Variants in STX18 observed in about 807,000 individuals in gnomAD.
STX18 encodes the protein syntaxin 18.
Under a neutral mutation model 50.1 loss-of-function variants are expected in STX18, and 40 were observed. The observed-to-expected ratio is 0.80, with a 90% CI of 0.62 to 1.04. The LOEUF (loss-of-function observed/expected upper bound fraction) is 1.04, where lower values mean the gene tolerates loss of function less well. Ranked by LOEUF, STX18 falls within the 50% of genes least tolerant of loss-of-function variation. The pLI is 0.00. For synonymous variants in STX18, 158 were observed against 151.8 expected (o/e 1.04, Z -0.30); for missense variants, 410 against 415.8 (o/e 0.99, Z 0.12).
At chr4:4,499,568 A>G (rs1729339996) in intron 1 of STX18, 7 of 982,528 alleles carry the variant, frequency 7.1e-6, no homozygotes, top group Non-Finnish European at 8.5e-6. Flanking sequence ...GCATTTTCAG[A>G]TTCATAGGTA....
chr4:4,449,341 G>A (rs551035290), intron 5 of STX18, among the ~76,000 whole-genome samples: 1 of 152,132 alleles, frequency 6.6e-6, no homozygotes, highest in East Asian at 1.9e-4. Context: ...GTGAGCCACT[G>A]TGCACGGCAC....
intron 5 of STX18, among the ~76,000 whole-genome samples, chr4:4,445,608 G>A (rs1053117027): frequency 6.6e-6 from 1 of 151,468 alleles, no homozygotes; most frequent in South Asian, 2.1e-4. Flanking sequence ...AAAAATCCAG[G>A]AATAAATCTA....
intron 1 of STX18, among the ~76,000 whole-genome samples, chr4:4,510,752 C>T (rs1156891243): frequency 6.6e-6 from 1 of 152,110 alleles, no homozygotes; most frequent in Non-Finnish European, 1.5e-5. Flanking sequence ...TGGAACGAAC[C>T]CAAAGGCCCA....
At chr4:4,506,976 T>G (rs1218194186) in intron 1 of STX18, 1 of 324,888 alleles carries the variant, frequency 3.1e-6, no homozygotes, top group African/African-American at 2.2e-5. Context: ...TTCAGAGAAC[T>G]GTATTAGCAA....
chr4:4,461,971 T>C (rs1400370819), intron 2 of STX18: 2 of 456,206 alleles, frequency 4.4e-6, no homozygotes, highest in South Asian at 1.5e-5. Flanking sequence ...CTGTCCCTGC[T>C]GTCTGTGCTC....
intron 1 of STX18, among the ~76,000 whole-genome samples, chr4:4,504,453 G>A (rs781295263): frequency 4.6e-5 from 7 of 152,090 alleles, no homozygotes; most frequent in African/African-American, 1.2e-4. Context: ...GGATACAGGA[G>A]TACACAGACA....
At chr4:4,452,647 T>C (rs917737983) in intron 5 of STX18, among the ~76,000 whole-genome samples, 3 of 152,200 alleles carry the variant, frequency 2.0e-5, no homozygotes, top group East Asian at 3.8e-4. Flanking sequence ...CAGTAAGCCA[T>C]GACTGCCACT....
Position 4,457,232 on chromosome 4 carries a change from C to T in STX18, c.456G>A (p.Gln152=). 1 of 1,614,120 alleles carries T rather than the reference C, an allele frequency of 6.2e-7. No individual in the cohort carries two copies. The highest frequency in any genetic ancestry group is 1.7e-5 in the Admixed American group (1 of 60,020). The change falls in exon 5 of 11, where the codon CAG becomes CAA. Residue 152 remains glutamine (Q), a synonymous_variant. Transcript: ENST00000306200. ...CCACTCTTTTAACTCGGATGGCTCT[C>T]TGTTCTGAGTAAAGTTTACATACTC... ...LKRVCKLYSE[Q]RAIRVKRVVD...
At chr4:4,492,444 G>A (rs1728983831) in intron 1 of STX18, among the ~76,000 whole-genome samples, 1 of 152,130 alleles carries the variant, frequency 6.6e-6, no homozygotes, top group Admixed American at 6.5e-5. Context: ...AGAAAAGAAA[G>A]TGAAACACAG....
intron 1 of STX18, among the ~76,000 whole-genome samples, chr4:4,504,609 T>A (rs12500416): frequency 6.6e-6 from 1 of 152,124 alleles, no homozygotes; most frequent in Admixed American, 6.5e-5. Flanking sequence ...TAAAGTACTC[T>A]CAAAGTCAAA....
At chr4:4,466,859 C>T (rs1019276663) in intron 2 of STX18, among the ~76,000 whole-genome samples, 24 of 152,168 alleles carry the variant, frequency 1.6e-4, no homozygotes, top group Admixed American at 1.3e-3. Flanking sequence ...TATTATTACT[C>T]AAATCAGCCT....
chr4:4,517,840 T>A (rs1170342403), intron 1 of STX18, among the ~76,000 whole-genome samples: 1 of 151,538 alleles, frequency 6.6e-6, no homozygotes, highest in East Asian at 1.9e-4. Context: ...GTAGGTGTGG[T>A]CTTGGCTCAC....
chr4:4,495,631 C>T (rs1477838149), intron 1 of STX18, among the ~76,000 whole-genome samples: 1 of 148,892 alleles, frequency 6.7e-6, no homozygotes, highest in South Asian at 2.1e-4. Flanking sequence ...AAACTCCTGG[C>T]CTCTAGAGAT....
intron 1 of STX18, among the ~76,000 whole-genome samples, chr4:4,529,219 G>A (rs762844980): frequency 5.3e-5 from 8 of 152,212 alleles, no homozygotes; most frequent in South Asian, 4.2e-4. Context: ...CAAATTAGCC[G>A]GGAATGGTGG....
intron 1 of STX18, among the ~76,000 whole-genome samples, chr4:4,503,042 C>T (rs1729528378): frequency 6.6e-6 from 1 of 152,146 alleles, no homozygotes; most frequent in African/African-American, 2.4e-5. Flanking sequence ...CAAGGGCTCC[C>T]AATTTTTTTC....
chr4:4,440,546 C>T (rs376145107), intron 5 of STX18, among the ~76,000 whole-genome samples: 74 of 152,218 alleles, frequency 4.9e-4, no homozygotes, highest in African/African-American at 1.7e-3. Context: ...CTTCTGTGGT[C>T]GAATCAGTCT....
At chr4:4,535,068 G>A (rs1731268806) in intron 1 of STX18, among the ~76,000 whole-genome samples, 1 of 152,242 alleles carries the variant, frequency 6.6e-6, no homozygotes, top group East Asian at 1.9e-4. Context: ...CACTGCCTTT[G>A]CTCACACCCA....
chr4:4,479,418 G>A (rs1443655075), intron 1 of STX18, among the ~76,000 whole-genome samples: 2 of 152,130 alleles, frequency 1.3e-5, no homozygotes, highest in African/African-American at 2.4e-5. Context: ...ACTGCAGGTC[G>A]CATTTACCAG....
At chr4:4,526,086 C>G (rs1298349781) in intron 1 of STX18, among the ~76,000 whole-genome samples, 1 of 152,058 alleles carries the variant, frequency 6.6e-6, no homozygotes, top group Non-Finnish European at 1.5e-5. Context: ...TTATAAAGAC[C>G]AAATATCTGA....
Sources: allele counts gnomAD v4.1 joint callset (sites outside exome capture counted in the v4.1 genomes callset), GRCh38; gene constraint gnomAD v4.1.1; transcripts MANE v1.5; gene names NCBI Gene and HGNC (gene_info 2026-07-23, HGNC 2026-07-21).